The following MGAT4C variants were observed in gnomAD, a reference collection of about 807,000 sequenced individuals.
MGAT4C encodes MGAT4 family member C, also known as alpha-1,3-mannosyl-glycoprotein 4-beta-N-acetylglucosaminyltransferase C.
In MGAT4C, 19 loss-of-function variants were observed where a neutral mutation model predicts 40.1. That is an observed-to-expected ratio of 0.47 (90% CI 0.33 to 0.70). The LOEUF (loss-of-function observed/expected upper bound fraction) is 0.70. Ranked by LOEUF, MGAT4C falls within the 30% of genes least tolerant of loss-of-function variation. MGAT4C has a pLI of 0.02. For missense variants in MGAT4C, 491 were observed against 563.2 expected, an observed-to-expected ratio of 0.87 and a Z score of 1.30; for synonymous variants, 181 against 187.1, an observed-to-expected ratio of 0.97 and a Z score of 0.27.
intron 2 of MGAT4C, among the ~76,000 whole-genome samples, chr12:86,684,594 G>A (rs1057137652): frequency 6.6e-6 from 1 of 152,148 alleles, no homozygotes; most frequent in African/African-American, 2.4e-5. Flanking sequence ...GTAGATCCTT[G>A]AGGAATTGCC....
intron 4 of MGAT4C, among the ~76,000 whole-genome samples, chr12:86,263,968 C>G (rs1453535876): frequency 6.6e-6 from 1 of 151,968 alleles, no homozygotes; most frequent in Non-Finnish European, 1.5e-5. Flanking sequence ...TGTATGTCTT[C>G]TTTTGAGAAG....
At chr12:86,280,537 A>G (rs1011732432) in intron 4 of MGAT4C, among the ~76,000 whole-genome samples, 10 of 152,034 alleles carry the variant, frequency 6.6e-5, no homozygotes, top group African/African-American at 2.4e-4. Flanking sequence ...AGATTAATGC[A>G]TATCTTTTCA....
chr12:86,151,993 C>T (rs1036458710), intron 1 of MGAT4C, among the ~76,000 whole-genome samples: 2 of 152,196 alleles, frequency 1.3e-5, no homozygotes, highest in African/African-American at 4.8e-5. Flanking sequence ...CACCTGACAC[C>T]ATGCTTACAT....
chr12:86,157,683 A>T (rs1165403538), intron 1 of MGAT4C, among the ~76,000 whole-genome samples: 2 of 152,204 alleles, frequency 1.3e-5, no homozygotes, highest in African/African-American at 4.8e-5. Flanking sequence ...ACTTACAATC[A>T]TGGAGGAAGG....
At chr12:86,816,263 T>C (rs1398204960) in intron 1 of MGAT4C, among the ~76,000 whole-genome samples, 1 of 151,872 alleles carries the variant, frequency 6.6e-6, no homozygotes, top group Non-Finnish European at 1.5e-5. Flanking sequence ...ATGTTTTTAT[T>C]TTCTTTTTAT....
chr12:86,310,930 C>A (rs115387144), intron 4 of MGAT4C, among the ~76,000 whole-genome samples: 1,706 of 152,222 alleles, frequency 0.011, 44 homozygotes, highest in African/African-American at 0.039. Context: ...TCTCAAAAAA[C>A]AAACAAACAA....
In MGAT4C at chr12:86,775,538, C is replaced by A. The variant is rs531549388; in HGVS notation, c.-261-48297G>T. Among the ~76,000 whole-genome samples, 4 of 151,436 alleles carry A rather than the reference C, an allele frequency of 2.6e-5. No individual in the cohort carries two copies. The South Asian group carries it at 8.3e-4, about 31-fold the overall frequency. On this transcript the variant is annotated intron_variant, in intron 1 of 7. Coordinates refer to the MGAT4C transcript ENST00000548651. ...CTTGCCAGGAGGTGAAGGTCTCATG[C>A]AGATGTCAGACATATGAGCAAATAA...
At position 86,517,125 on chromosome 12, in the gene MGAT4C, C is replaced by T. The variant is rs114945291; in HGVS notation, c.-228-81860G>A. Among the ~76,000 whole-genome samples, 509 of 152,190 alleles carry T rather than the reference C, an allele frequency of 3.3e-3. 1 individual carries two copies. The highest frequency in any genetic ancestry group is 0.012 in the African/African-American group (493 of 41,522). On this transcript the variant is annotated intron_variant, in intron 2 of 7. Transcript: ENST00000548651. The stretch of plus-strand genomic sequence containing the variant: ...ATGGTACAGCAATTATGGAAAATAA[C>T]TTGGTAGTTCTCAAAATGTTAAAGG...
intron 3 of MGAT4C, among the ~76,000 whole-genome samples, chr12:86,371,806 T>C (rs1308441789): frequency 1.3e-5 from 2 of 151,920 alleles, no homozygotes; most frequent in African/African-American, 4.8e-5. Flanking sequence ...ATTGAAAGTA[T>C]GAAATACATT....
chr12:86,385,243 T>C (rs757915591), intron 3 of MGAT4C, among the ~76,000 whole-genome samples: 1 of 152,114 alleles, frequency 6.6e-6, no homozygotes, highest in Non-Finnish European at 1.5e-5. Flanking sequence ...AAGAATAAGA[T>C]AAAATAATTT....
intron 2 of MGAT4C, among the ~76,000 whole-genome samples, chr12:86,444,505 C>A (rs1957298522): frequency 6.6e-6 from 1 of 152,154 alleles, no homozygotes; most frequent in Admixed American, 6.5e-5. Flanking sequence ...GATTCTCCAT[C>A]TGCATACTGA....
At chr12:86,411,858 C>T (rs1323617920) in intron 3 of MGAT4C, among the ~76,000 whole-genome samples, 2 of 152,154 alleles carry the variant, frequency 1.3e-5, no homozygotes, top group Non-Finnish European at 2.9e-5. Context: ...TCAGGCCAGA[C>T]TCAGGGCCTC....
chr12:86,418,749 G>A (rs980620049), intron 3 of MGAT4C, among the ~76,000 whole-genome samples: 2 of 151,890 alleles, frequency 1.3e-5, no homozygotes, highest in Admixed American at 6.6e-5. Context: ...GTACCAATAA[G>A]GAGAAACAAA....
chr12:86,057,759 T>A (rs965806037), intron 1 of MGAT4C, among the ~76,000 whole-genome samples: 42 of 152,304 alleles, frequency 2.8e-4, no homozygotes, highest in African/African-American at 1.0e-3. Context: ...ATACAGTAGA[T>A]CTTCAATAAT....
intron 2 of MGAT4C, among the ~76,000 whole-genome samples, chr12:86,004,286 T>A (rs1016376068): frequency 1.3e-5 from 2 of 152,190 alleles, no homozygotes; most frequent in African/African-American, 4.8e-5. Flanking sequence ...AGAAATCATA[T>A]AAATTTCCTA....
rs564926978 is a variant in MGAT4C at position 86,134,692 on chromosome 12, G to C, written c.-56-84969C>G. ...ACTGCTGAGTGTTATAGATATTAAT[G>C]GTTGTTAGAAAAGCATAATAAAAGC... On this transcript the variant is annotated intron_variant, in intron 1 of 4. Coordinates refer to ENST00000611864, the MANE Select transcript of MGAT4C (RefSeq NM_001351288.2). Among the ~76,000 whole-genome samples the C allele has an allele frequency of 2.6e-5, 4 of 152,168 alleles. No homozygotes were observed. The South Asian group carries it at 6.2e-4, about 24-fold the overall frequency.
chr12:86,772,946 A>G (rs1367252449), intron 1 of MGAT4C, among the ~76,000 whole-genome samples: 1 of 152,072 alleles, frequency 6.6e-6, no homozygotes, highest in African/African-American at 2.4e-5. Flanking sequence ...TGTGACTTAG[A>G]GTTGATTCTG....
intron 1 of MGAT4C, among the ~76,000 whole-genome samples, chr12:86,078,635 C>T (rs1565950706): frequency 6.6e-6 from 1 of 152,180 alleles, no homozygotes; most frequent in Non-Finnish European, 1.5e-5. Context: ...CTGCTGCTGG[C>T]AAATTGGGCA....
intron 1 of MGAT4C, among the ~76,000 whole-genome samples, chr12:86,132,661 G>A (rs368068713): frequency 7.9e-5 from 12 of 151,964 alleles, no homozygotes; most frequent in South Asian, 2.1e-4. Flanking sequence ...GCATGGTGGC[G>A]GATGCCTGTA....
Sources: allele counts gnomAD v4.1 joint callset (sites outside exome capture counted in the v4.1 genomes callset), GRCh38; gene constraint gnomAD v4.1.1; transcripts MANE v1.5; gene names NCBI Gene and HGNC (gene_info 2026-07-23, HGNC 2026-07-21).